Variants in MTMR4 observed in about 807,000 individuals in gnomAD.
MTMR4 encodes phosphatidylinositol-3,5-bisphosphate 3-phosphatase MTMR4.
Under a neutral mutation model 125.5 loss-of-function variants are expected in MTMR4, and 30 were observed. The observed-to-expected ratio is 0.24, with a 90% CI of 0.18 to 0.32. The LOEUF (loss-of-function observed/expected upper bound fraction) is 0.32. MTMR4 is among the 10% of genes least tolerant of loss of function. MTMR4 has a pLI of 1.00. For missense variants in MTMR4, 1,039 were observed against 1,511.5 expected (o/e 0.69, Z 5.18); for synonymous variants, 498 against 564.5 (o/e 0.88, Z 1.67).
At chr17:58,507,833 A>G (rs1237055034) in intron 7 of MTMR4, among the ~76,000 whole-genome samples, 1 of 152,086 alleles carries the variant, frequency 6.6e-6, no homozygotes, top group Non-Finnish European at 1.5e-5. Context: ...GCCGTTTTAT[A>G]TAATAGGCTA....
At chr17:58,517,428 C>T (rs955424324), upstream of MTMR4, among the ~76,000 whole-genome samples, 1 of 152,280 alleles carries the variant, frequency 6.6e-6, no homozygotes, top group Non-Finnish European at 1.5e-5. Context: ...AAGCCTCCAT[C>T]TGTGGTACTG....
intron 4 of MTMR4, chr17:58,511,199 C>A (rs963454297): frequency 2.2e-6 from 1 of 445,238 alleles, no homozygotes; most frequent in South Asian, 3.7e-5. Context: ...CATTATCTCA[C>A]TTAATCCTTA....
rs767681044 is a variant in MTMR4 at position 58,495,339 on chromosome 17, TGCTACAACA to T, written c.2836_2844del (p.Cys946_Ser948del). 2.5e-6 allele frequency: 4 copies of T among 1,614,226 alleles called. No individual in the cohort carries two copies. On this transcript the variant is annotated inframe_deletion, in exon 15 of 18. Transcript: ENST00000682306. Reference sequence around the variant, plus strand: ...CGCATCTGCTTACTGTTTGGCCTCTTGCTACAACAGCCATAGGAAAGCAGCCGCCGAGGG... The same window carrying T: ...CGCATCTGCTTACTGTTTGGCCTCTTGCCATAGGAAAGCAGCCGCCGAGGG...
chr17:58,506,973 C>G, intron 8 of MTMR4, 102 bp from the exon 9 acceptor site: 3 of 1,544,662 alleles, frequency 1.9e-6, no homozygotes, highest in Non-Finnish European at 2.6e-6. Flanking sequence ...CAACTAGAGA[C>G]CCCTCATACC....
chr17:58,495,458 C>A lies in MTMR4; in HGVS notation c.2726G>T (p.Ser909Ile), dbSNP rs1242544637. 7 of 1,614,140 alleles carry A rather than the reference C, an allele frequency of 4.3e-6. No individual in the cohort carries two copies. The highest frequency in any genetic ancestry group is 5.9e-6 in the Non-Finnish European group (7 of 1,180,054). Residue 909 changes from serine (S) to isoleucine (I), a missense_variant, in exon 15 of 18, where the codon AGC (serine) becomes ATC (isoleucine). This residue lies in a region of MTMR4 where 619 missense variants were observed against 714.5 expected (regional missense o/e 0.87). Coordinates refer to ENST00000682306, the MANE Select transcript of MTMR4 (RefSeq NM_001378067.1). ...LELVRKPISQ[S>I]QISEFSFLGS... ...TAGAAAAGAGAACTCACTGATCTGG[C>A]TCTGAGAAATTGGCTTCCGGACCAA...
chr17:58,491,726 G>A lies in MTMR4; in HGVS notation c.3567C>T (p.Val1189=). ...GGCTCATGAGTTCCCTGGCACGAGA[G>A]ACTTGAATGTGTTCGTAACATGAGT... ...VCNSCYEHIQ[V]SRARELMSQQ... The change falls in exon 18 of 18, where the codon GTC becomes GTT. Residue 1189 remains valine, a synonymous_variant. Coordinates refer to ENST00000682306, the MANE Select transcript of MTMR4 (RefSeq NM_001378067.1). 1 of 1,614,128 alleles carries A rather than the reference G, an allele frequency of 6.2e-7. No homozygotes were observed. The highest frequency in any genetic ancestry group is 1.1e-5 in the South Asian group (1 of 91,072).
upstream of MTMR4, among the ~76,000 whole-genome samples, chr17:58,517,615 G>C (rs966176902): frequency 1.3e-5 from 2 of 152,364 alleles, no homozygotes; most frequent in Non-Finnish European, 2.9e-5. Context: ...CAGACCTAGG[G>C]GATCTGGTCC....
rs369882489 is a variant in MTMR4, at chr17:58,495,506, C to A, written c.2678G>T (p.Arg893Leu). The A allele has an allele frequency of 3.1e-6, 5 of 1,614,090 alleles. No homozygotes were observed. The African/African-American group carries it at 6.7e-5, about 22-fold the overall frequency. ...NRNGQLLENP[R>L]FGKMPLELVR... ...CAATTCCAATGGCATTTTCCCAAAG[C>A]GAGGATTTTCCAATAACTGCCCATT... Residue 893 changes from arginine to leucine, a missense_variant, in exon 15 of 18, where the codon CGC becomes CTC. Coordinates refer to ENST00000682306, the MANE Select transcript of MTMR4 (RefSeq NM_001378067.1).
Position 58,490,982 on chromosome 17 carries a change from G to C in MTMR4, c.*681C>G, listed in dbSNP as rs1975300994. 1 of 152,660 alleles carries C rather than the reference G, an allele frequency of 6.6e-6. No individual in the cohort carries two copies. Among genetic ancestry groups the C allele is most frequent in the Non-Finnish European group, 1.5e-5 (1 of 68,062 alleles). The allele number at this position is 152,660 out of a possible 1,614,324, so 9.5% of individuals were successfully genotyped here. A position where few individuals can be genotyped will look rare whatever the true frequency, so the allele number is the denominator to read the frequency against. On this transcript the variant is annotated 3_prime_UTR_variant, in exon 18 of 18. Transcript: ENST00000682306. Reference sequence around the variant, plus strand: ...TGTTTGCCAGGACCGAACATCAGCAGAGTTTTCCTCTGCTCCCAAAAATGT... The same window carrying C: ...TGTTTGCCAGGACCGAACATCAGCACAGTTTTCCTCTGCTCCCAAAAATGT...
Position 58,495,494 on chromosome 17 carries a change from A to G in MTMR4, c.2690T>C (p.Met897Thr). ...TGGCTTCCGGACCAATTCCAATGGCATTTTCCCAAAGCGAGGATTTTCCAA... is the reference window on the plus strand; with the variant it reads ...TGGCTTCCGGACCAATTCCAATGGCGTTTTCCCAAAGCGAGGATTTTCCAA... ...QLLENPRFGKMPLELVRKPIS... is the reference protein window; with the variant it reads ...QLLENPRFGKTPLELVRKPIS... Residue 897 changes from methionine to threonine, a missense_variant, in exon 15 of 18, where the codon ATG (methionine) becomes ACG (threonine). Around this residue, in one of 6 missense-constraint regions of MTMR4, gnomAD observed 619 missense variants for 714.5 expected, o/e 0.87. Coordinates refer to ENST00000682306, the MANE Select transcript of MTMR4 (RefSeq NM_001378067.1). The G allele has an allele frequency of 6.2e-7, 1 of 1,614,184 alleles. No homozygotes were observed. The highest frequency in any genetic ancestry group is 1.1e-5 in the South Asian group (1 of 91,082).
At position 58,512,378 on chromosome 17, in the gene MTMR4, A is replaced by T. The variant is rs573427458; in HGVS notation, c.252+12T>A. 1.3e-5 allele frequency: 20 copies of T among 1,593,584 alleles called. No individual in the cohort carries two copies. Among genetic ancestry groups the T allele is most frequent in the Non-Finnish European group, 1.6e-5 (18 of 1,161,226 alleles). On this transcript the variant is annotated intron_variant, in intron 3 of 17. Coordinates refer to ENST00000682306, the MANE Select transcript of MTMR4 (RefSeq NM_001378067.1). This position sits in a 1 kb window ranked among gnomAD's most constrained non-coding sequence, Gnocchi z 4.1. ...TCTAGCTTAGGGGTAGGAGAACAAT[A>T]CAGAAACTCACGTTGATGACAGAGT...
At chr17:58,507,096 G>C (rs201714744) in intron 8 of MTMR4, 27 bp downstream of exon 8, 161 of 1,612,470 alleles carry the variant, frequency 1.0e-4, no homozygotes, top group Non-Finnish European at 1.3e-4. Flanking sequence ...CCTGCTCCCT[G>C]GGGGGTTAGC....
chr17:58,507,054 C>A, intron 8 of MTMR4, 69 bp downstream of exon 8: 1 of 1,592,176 alleles, frequency 6.3e-7, no homozygotes, highest in South Asian at 1.1e-5. Context: ...TCACTGGGGA[C>A]TCCCTGGGAG....
upstream of MTMR4, chr17:58,517,787 G>A (rs923948319): frequency 6.6e-6 from 1 of 152,520 alleles, no homozygotes; most frequent in Non-Finnish European, 1.5e-5. Flanking sequence ...CGGTTCCCAG[G>A]CTTGCAGTGC....
chr17:58,505,324 T>C (rs929657255), intron 10 of MTMR4, 148 bp downstream of exon 10: 7 of 653,268 alleles, frequency 1.1e-5, no homozygotes, highest in African/African-American at 1.8e-5. Context: ...GTGGAAGGGT[T>C]CTTGGAACTA....
chr17:58,504,183 C>T lies in MTMR4; in HGVS notation c.1565G>A (p.Gly522Asp). ...LVQHTYSCLY[G>D]TFLANNPCER... ...ACAGGGGTTGTTGGCCAGGAAGGTG[C>T]CGTAGAGGCAGGAGTATGTGTGTTG... Residue 522 changes from glycine to aspartate, a missense_variant, in exon 13 of 18, where the codon GGC (glycine) becomes GAC (aspartate). By Grantham distance (94) the Gly-to-Asp change is moderately conservative. Coordinates refer to ENST00000682306, the MANE Select transcript of MTMR4 (RefSeq NM_001378067.1). This position sits in a 1 kb window ranked among gnomAD's most constrained non-coding sequence, Gnocchi z 7.1. 6.2e-7 allele frequency: 1 copy of T among 1,611,388 alleles called. No homozygotes were observed. Among genetic ancestry groups the T allele is most frequent in the Non-Finnish European group, 8.5e-7 (1 of 1,178,728 alleles).
chr17:58,511,347 C>T (rs1052774039), intron 4 of MTMR4, 82 bp downstream of exon 4: 21 of 1,235,636 alleles, frequency 1.7e-5, no homozygotes, highest in Admixed American at 4.4e-5. Flanking sequence ...TCTTTCCTCT[C>T]TTGCACCAGA....
At chr17:58,498,529 G>A (rs1304303846) in intron 14 of MTMR4, among the ~76,000 whole-genome samples, 30 of 85,070 alleles carry the variant, frequency 3.5e-4, no homozygotes, top group Non-Finnish European at 4.8e-4. Flanking sequence ...AAGGAGAAGC[G>A]GGGGAGGAGG....
chr17:58,492,413 C>T lies in MTMR4; in HGVS notation c.3452+98G>A. The T allele has an allele frequency of 9.8e-6, 10 of 1,018,364 alleles. No homozygotes were observed. The South Asian group carries it at 1.3e-4, about 13-fold the overall frequency. 63.1% of individuals were successfully genotyped at this position (1,018,364 alleles called of 1,614,324 possible). A position where few individuals can be genotyped will look rare whatever the true frequency, so the allele number is the denominator to read the frequency against. ...CTCAATCTCCTCACCTCATGATCCG[C>T]CTGCCTCGGCCTCCCAAGGTGTTGG... On this transcript the variant is annotated intron_variant, in intron 17 of 17. Transcript: ENST00000682306.
Sources: gnomAD v4.1 joint callset for allele counts (sites outside exome capture counted in the v4.1 genomes callset) on GRCh38, gnomAD v4.1.1 for gene constraint, gnomAD v4.1.1 regional missense constraint, Gnocchi (gnomAD v3.1) non-coding constraint, MANE v1.5 for transcripts, NCBI Gene and HGNC (gene_info 2026-07-23, HGNC 2026-07-21) for gene names.